Variants in RGSL1 observed in about 807,000 individuals in gnomAD.
The protein encoded by RGSL1 is regulator of G protein signaling protein-like.
In RGSL1, 97 loss-of-function variants were observed where a neutral mutation model predicts 124.7. That is an observed-to-expected ratio of 0.78 (90% CI 0.66 to 0.92). The LOEUF (loss-of-function observed/expected upper bound fraction) is 0.92. RGSL1 is among the 40% of genes least tolerant of loss of function. The pLI, the probability that RGSL1 is intolerant of heterozygous loss-of-function variation, is 0.00. For missense variants in RGSL1, 1,233 were observed against 1,288.4 expected, an observed-to-expected ratio of 0.96 and a Z score of 0.66; for synonymous variants, 424 against 438.1, an observed-to-expected ratio of 0.97 and a Z score of 0.40.
intron 6 of RGSL1, among the ~76,000 whole-genome samples, chr1:182,479,230 C>T (rs1450749626): frequency 6.6e-6 from 1 of 152,072 alleles, no homozygotes; most frequent in Non-Finnish European, 1.5e-5. Flanking sequence ...ATATAAATCA[C>T]TTTGAACACT....
At chr1:182,547,224 T>C (rs1213883256) in intron 15 of RGSL1, among the ~76,000 whole-genome samples, 1 of 152,142 alleles carries the variant, frequency 6.6e-6, no homozygotes, top group African/African-American at 2.4e-5. Context: ...AGTTAGGAAG[T>C]GTCTCAGGAT....
At chr1:182,450,572 A>G (rs1474890411) in intron 1 of RGSL1, 2 of 250,906 alleles carry the variant, frequency 8.0e-6, no homozygotes, top group Non-Finnish European at 1.6e-5. Context: ...TTGAAGGCAG[A>G]ACAGGTAAGA....
intron 13 of RGSL1, among the ~76,000 whole-genome samples, 158 bp from the exon 14 acceptor site, chr1:182,532,504 C>T (rs898768015): frequency 3.9e-5 from 6 of 152,108 alleles, no homozygotes; most frequent in Non-Finnish European, 8.8e-5. Flanking sequence ...GCTCTCTAAC[C>T]TGAGTTTCCT....
intron 9 of RGSL1, among the ~76,000 whole-genome samples, chr1:182,503,094 T>C (rs550389636): frequency 8.3e-4 from 127 of 152,322 alleles, no homozygotes; most frequent in Non-Finnish European, 1.6e-3. Context: ...GAGAACAATT[T>C]GGAGATTCCT....
chr1:182,474,622 A>T, intron 6 of RGSL1, 80 bp downstream of exon 6: 3 of 1,441,928 alleles, frequency 2.1e-6, no homozygotes, highest in Non-Finnish European at 2.7e-6. Context: ...GGTCACCTAT[A>T]CTGGCTAAGT....
At chr1:182,551,345 C>G in intron 18 of RGSL1, 136 bp downstream of exon 18, 1 of 675,382 alleles carries the variant, frequency 1.5e-6, no homozygotes, top group Non-Finnish European at 2.5e-6. Context: ...TTACTTGGCC[C>G]TCAGGGAGAC....
intron 15 of RGSL1, among the ~76,000 whole-genome samples, chr1:182,543,369 T>C (rs915177316): frequency 2.0e-5 from 3 of 152,236 alleles, no homozygotes; most frequent in South Asian, 4.1e-4. Flanking sequence ...TTGCGTATGT[T>C]GAATCACCCT....
intron 4 of RGSL1, among the ~76,000 whole-genome samples, chr1:182,469,597 G>A (rs1013227350): frequency 6.6e-6 from 1 of 152,090 alleles, no homozygotes; most frequent in South Asian, 2.1e-4. Flanking sequence ...ATAGCATGGA[G>A]GTTTCTCAAA....
At chr1:182,459,929 C>A in intron 3 of RGSL1, 75 bp from the exon 4 acceptor site, 3 of 1,502,182 alleles carry the variant, frequency 2.0e-6, no homozygotes, top group Non-Finnish European at 1.8e-6. Flanking sequence ...TGATTAGTTG[C>A]CACTTACTAA....
intron 4 of RGSL1, among the ~76,000 whole-genome samples, chr1:182,468,365 C>A (rs1031777876): frequency 6.6e-6 from 1 of 152,176 alleles, no homozygotes; most frequent in Non-Finnish European, 1.5e-5. Context: ...TTGGAACCAA[C>A]CCAAATGTCC....
intron 9 of RGSL1, among the ~76,000 whole-genome samples, chr1:182,497,508 C>T (rs755654140): frequency 6.6e-6 from 1 of 151,882 alleles, no homozygotes; most frequent in Non-Finnish European, 1.5e-5. Flanking sequence ...TATTGAACCA[C>T]TTGACAGTAG....
intron 10 of RGSL1, among the ~76,000 whole-genome samples, chr1:182,526,535 ATGGTGGTGC>A (rs1658758210): frequency 2.0e-5 from 3 of 151,898 alleles, no homozygotes; most frequent in Non-Finnish European, 2.9e-5. Context: ...TTAGCAGGGC[ATGGTGGTGC>A]ACACCTGTAG....
At chr1:182,522,976 A>G (rs1658459900) in intron 10 of RGSL1, among the ~76,000 whole-genome samples, 2 of 152,122 alleles carry the variant, frequency 1.3e-5, no homozygotes, top group Admixed American at 6.5e-5. Context: ...TTGCTAGTCA[A>G]AATCTCTGGC....
intron 8 of RGSL1, chr1:182,492,812 G>A: frequency 2.1e-6 from 1 of 487,472 alleles, no homozygotes. Flanking sequence ...TGTATTTTTA[G>A]TAGAGACAGG....
intron 4 of RGSL1, among the ~76,000 whole-genome samples, chr1:182,467,059 T>G (rs370351217): frequency 2.6e-5 from 4 of 151,996 alleles, no homozygotes; most frequent in South Asian, 2.1e-4. Context: ...CAACTTACAA[T>G]GGATGTGAAG....
chr1:182,458,176 G>T (rs542430801), intron 2 of RGSL1, 143 bp from the exon 3 acceptor site: 2 of 614,400 alleles, frequency 3.3e-6, no homozygotes, highest in East Asian at 5.6e-5. Flanking sequence ...GCAAGTTGAT[G>T]GAGTAGAATA....
rs1359483793 is a variant in RGSL1 at position 182,510,480 on chromosome 1, C to T, written c.1826-11524C>T. Among the ~76,000 whole-genome samples, 4 of 46,864 alleles carry T rather than the reference C, an allele frequency of 8.5e-5. 2 individuals carry two copies. The highest frequency in any genetic ancestry group is 3.5e-4 in the Admixed American group (2 of 5,686). 30.7% of individuals were successfully genotyped at this position (46,864 alleles called of 152,430 possible). On this transcript the variant is annotated intron_variant, in intron 9 of 21. Transcript: ENST00000294854. The stretch of plus-strand genomic sequence containing the variant: ...TCACTCGCGGTTAGGGGCTGGAGAC[C>T]GGCCCGACCAACACAGCGAAACCCC...
chr1:182,460,139 C>T lies in RGSL1; in HGVS notation c.301+6C>T. The T allele has an allele frequency of 1.9e-6, 3 of 1,543,788 alleles. No individual in the cohort carries two copies. The highest frequency in any genetic ancestry group is 2.6e-6 in the Non-Finnish European group (3 of 1,145,404). On this transcript the variant is annotated splice_donor_region_variant and intron_variant, in intron 4 of 21. Coordinates refer to ENST00000294854, the MANE Select transcript of RGSL1 (RefSeq NM_001137669.2). ...CATTAAGTCCCCAGAAGGAGGTAAG[C>T]ATTGGTGTGCATGCGTGTGTCTGTG...
chr1:182,535,194 C>T (rs1659453473), intron 14 of RGSL1, among the ~76,000 whole-genome samples: 1 of 152,152 alleles, frequency 6.6e-6, no homozygotes, highest in East Asian at 1.9e-4. Flanking sequence ...TAGAACTCCC[C>T]CTTTACCCAT....
Sources: gnomAD v4.1 joint callset for allele counts (sites outside exome capture counted in the v4.1 genomes callset) on GRCh38, gnomAD v4.1.1 for gene constraint, MANE v1.5 for transcripts, NCBI Gene and HGNC (gene_info 2026-07-23, HGNC 2026-07-21) for gene names.